The following ZNF66 variants were observed in gnomAD, a reference collection of about 807,000 sequenced individuals.
The protein encoded by ZNF66 is putative zinc finger protein 66.
A neutral mutation model predicts 35.2 loss-of-function variants in ZNF66; 32 were observed. The ratio of observed to expected loss-of-function variants is 0.91; its 90% confidence interval spans 0.69 to 1.22. ZNF66 has a LOEUF of 1.22. ZNF66 is among the 50% of genes most tolerant of loss of function. The pLI is 0.00. For missense variants in ZNF66, 666 were observed against 543.1 expected, an observed-to-expected ratio of 1.23 and a Z score of -2.25; for synonymous variants, 231 against 181.3, an observed-to-expected ratio of 1.27 and a Z score of -2.20.
rs761592239 is a variant in ZNF66 at position 20,806,875 on chromosome 19, C to T, written c.1275C>T (p.Tyr425=). The part of the protein sequence containing the change: ...HKRIHTGEKP[Y]KCEECGKAFS... ...GAATTCATACTGGAGAGAAACCCTA[C>T]AAATGTGAAGAATGTGGCAAAGCCT... Residue 425 remains tyrosine, a synonymous_variant, in exon 4 of 4, where the codon TAC becomes TAT. Coordinates refer to ENST00000344519, the MANE Select transcript of ZNF66 (RefSeq NM_001355197.2). The T allele has an allele frequency of 4.4e-6, 6 of 1,350,386 alleles. No homozygotes were observed. Among genetic ancestry groups the T allele is most frequent in the Non-Finnish European group, 6.4e-6 (6 of 941,690 alleles). 83.7% of individuals were successfully genotyped at this position (1,350,386 alleles called of 1,614,324 possible). A position where few individuals can be genotyped will look rare whatever the true frequency, so the allele number is the denominator to read the frequency against.
At chr19:20,797,267 G>A (rs896093983) in intron 3 of ZNF66, among the ~76,000 whole-genome samples, 3 of 112,588 alleles carry the variant, frequency 2.7e-5, no homozygotes, top group East Asian at 5.4e-4. Context: ...GTGCAGTGGC[G>A]CAATCTCGGC....
intron 1 of ZNF66, 93 bp from the exon 2 acceptor site, chr19:20,792,419 C>T (rs1360805902): frequency 1.1e-5 from 13 of 1,172,836 alleles, no homozygotes; most frequent in Non-Finnish European, 1.2e-6. Context: ...TAAGTCAGAA[C>T]CAGTTATCTT....
chr19:20,806,340 A>T lies in ZNF66; in HGVS notation c.740A>T (p.His247Leu). The T allele has an allele frequency of 6.4e-7, 1 of 1,553,814 alleles. No individual in the cohort carries two copies. Among genetic ancestry groups the T allele is most frequent in the Non-Finnish European group, 8.9e-7 (1 of 1,125,698 alleles). The change falls in exon 4 of 4, where the codon CAT becomes CTT. Residue 247 changes from histidine to leucine, a missense_variant. Physicochemically the swap from His to Leu is moderately conservative, Grantham distance 99. Coordinates refer to ENST00000344519, the MANE Select transcript of ZNF66 (RefSeq NM_001355197.2). ...AFNRSSNLTTHKKIHTGEKPY... is the reference protein window; with the variant it reads ...AFNRSSNLTTLKKIHTGEKPY... ...AACCGCTCCTCTAACCTTACTACAC[A>T]TAAGAAAATTCATACTGGAGAGAAA...
intron 3 of ZNF66, among the ~76,000 whole-genome samples, chr19:20,801,003 T>C (rs1971442353): frequency 6.6e-6 from 1 of 152,160 alleles, no homozygotes; most frequent in African/African-American, 2.4e-5. Context: ...GGAGCCCTGA[T>C]GTTATATACA....
At chr19:20,792,729 A>T in intron 2 of ZNF66, 91 bp downstream of exon 2, 1 of 804,440 alleles carries the variant, frequency 1.2e-6, no homozygotes. Flanking sequence ...TCTTTTTATA[A>T]AAGAGTTTCA....
At chr19:20,780,029 T>C (rs1340908263) in intron 1 of ZNF66, among the ~76,000 whole-genome samples, 1 of 152,082 alleles carries the variant, frequency 6.6e-6, no homozygotes, top group Non-Finnish European at 1.5e-5. Flanking sequence ...GATAATTGCT[T>C]GAACCCAGGA....
At chr19:20,793,307 C>G (rs369497557) in intron 2 of ZNF66, among the ~76,000 whole-genome samples, 1 of 59,900 alleles carries the variant, frequency 1.7e-5, no homozygotes, top group Non-Finnish European at 4.2e-5. Context: ...ATTTTCTTTT[C>G]TTTTCTTTTC....
Position 20,806,581 on chromosome 19 carries a change from C to T in ZNF66, c.981C>T (p.His327=), listed in dbSNP as rs1391202882. The T allele has an allele frequency of 6.3e-7, 1 of 1,591,816 alleles. No homozygotes were observed. The highest frequency in any genetic ancestry group is 8.6e-7 in the Non-Finnish European group (1 of 1,161,200). ...GTAAAGCCTTCAACTGGTCCTCACA[C>T]CTTACTACACATAAGAGAATTCATA... is the stretch of plus-strand genomic sequence containing the variant. ...ECGKAFNWSS[H]LTTHKRIHTG... is the part of the protein sequence containing the mutation. Residue 327 remains histidine (H), a synonymous_variant, in exon 4 of 4, where the codon CAC becomes CAT. Coordinates refer to ENST00000344519, the MANE Select transcript of ZNF66 (RefSeq NM_001355197.2).
At chr19:20,802,502 A>G (rs970802034) in intron 3 of ZNF66, among the ~76,000 whole-genome samples, 3 of 147,602 alleles carry the variant, frequency 2.0e-5, no homozygotes, top group Non-Finnish European at 4.5e-5. Flanking sequence ...TTTATCAATT[A>G]TTTATATTAT....
chr19:20,778,763 A>G (rs868108693), intron 1 of ZNF66, among the ~76,000 whole-genome samples: 2 of 150,894 alleles, frequency 1.3e-5, no homozygotes, highest in Admixed American at 6.6e-5. Context: ...AGCCTGGGCC[A>G]CAGAGTGAGA....
At position 20,809,193 on chromosome 19, in the gene ZNF66, T is replaced by G. The variant is rs1320820264; in HGVS notation, c.*1871T>G. Among the ~76,000 whole-genome samples, 1 of 152,068 alleles carries G rather than the reference T, an allele frequency of 6.6e-6. No homozygotes were observed. Among genetic ancestry groups the G allele is most frequent in the African/African-American group, 2.4e-5 (1 of 41,404 alleles). The stretch of plus-strand genomic sequence containing the variant: ...TATGGGACTATGTGAAAAGACCAAA[T>G]CTACCTCTGATTGGTGTACCTGAAA... On this transcript the variant is annotated 3_prime_UTR_variant, in exon 4 of 4. Transcript: ENST00000344519.
Position 20,807,170 on chromosome 19 carries a change from C to T in ZNF66, c.1570C>T (p.Leu524Phe), listed in dbSNP as rs773383625. The stretch of plus-strand genomic sequence containing the variant: ...CAAAGACTTTAAGTACTCCTCTACC[C>T]TTACTAGACATAAGAAAATTCATAC... ...CGKDFKYSST[L>F]TRHKKIHTGG... The change falls in exon 4 of 4, where the codon CTT (leucine) becomes TTT (phenylalanine). Residue 524 changes from leucine to phenylalanine, a missense_variant. Leu to Phe is a conservative substitution (Grantham distance 22, BLOSUM62 0). Transcript: ENST00000344519. The T allele has an allele frequency of 7.8e-6, 6 of 766,386 alleles. No individual in the cohort carries two copies. The African/African-American group carries it at 8.6e-5, about 11-fold the overall frequency. The allele number at this position is 766,386 out of a possible 1,614,324, so 47.5% of individuals were successfully genotyped here. A position where few individuals can be genotyped will look rare whatever the true frequency, so the allele number is the denominator to read the frequency against.
intron 1 of ZNF66, 176 bp downstream of exon 1, chr19:20,776,626 C>A: frequency 1.0e-6 from 1 of 958,300 alleles, no homozygotes; most frequent in Non-Finnish European, 1.6e-6. Flanking sequence ...GGCGTCCTGT[C>A]GCTTCCCCGC....
chr19:20,789,103 C>T (rs73009707), intron 1 of ZNF66, among the ~76,000 whole-genome samples: 12,016 of 151,630 alleles, frequency 0.079, 520 homozygotes, highest in Middle Eastern at 0.11. Flanking sequence ...GTTTAAATTG[C>T]GTATTAGTAT....
chr19:20,793,572 C>T (rs1390392163), intron 2 of ZNF66, among the ~76,000 whole-genome samples: 3 of 151,980 alleles, frequency 2.0e-5, no homozygotes, highest in African/African-American at 2.4e-5. Flanking sequence ...CTGCCTGCCT[C>T]GGCCTCCCAA....
At chr19:20,785,828 C>G (rs1417945528) in intron 1 of ZNF66, among the ~76,000 whole-genome samples, 1 of 151,762 alleles carries the variant, frequency 6.6e-6, no homozygotes, top group Non-Finnish European at 1.5e-5. Flanking sequence ...GTGGCATGAT[C>G]TCAGCTCACT....
At chr19:20,792,441 T>G in intron 1 of ZNF66, 71 bp from the exon 2 acceptor site, 1 of 1,331,948 alleles carries the variant, frequency 7.5e-7, no homozygotes, top group Non-Finnish European at 1.0e-6. Context: ...ACTCTCTCAT[T>G]TCACCTTAAG....
intron 3 of ZNF66, among the ~76,000 whole-genome samples, chr19:20,804,843 A>G (rs1233169795): frequency 3.3e-5 from 5 of 152,140 alleles, no homozygotes; most frequent in Non-Finnish European, 7.3e-5. Flanking sequence ...TGGCTTATTC[A>G]TATTTCTTCT....
At chr19:20,794,608 C>A (rs1971373715) in intron 3 of ZNF66, 1 of 151,018 alleles carries the variant, frequency 6.6e-6, no homozygotes, top group African/African-American at 2.4e-5. Flanking sequence ...TTTTTATCTT[C>A]TAATTTTTTT....
Sources: gnomAD v4.1 joint callset for allele counts (sites outside exome capture counted in the v4.1 genomes callset) on GRCh38, gnomAD v4.1.1 for gene constraint, MANE v1.5 for transcripts, NCBI Gene and HGNC (gene_info 2026-07-23, HGNC 2026-07-21) for gene names.